NGEF: variants seen among roughly 807,000 people sequenced by gnomAD.
NGEF encodes the protein ephexin-1.
NGEF carries 31 observed loss-of-function variants against 80.9 expected under a neutral mutation model. The ratio of observed to expected loss-of-function variants is 0.38; its 90% CI spans 0.29 to 0.52. NGEF has a LOEUF of 0.52. Among genes scored for constraint, NGEF ranks in the 20% least tolerant of loss-of-function variants. NGEF has a pLI of 0.84. For synonymous variants in NGEF, 371 were observed against 370.2 expected (o/e 1.00, Z -0.03); for missense variants, 709 against 926.2 (o/e 0.77, Z 3.04).
At chr2:232,912,197 G>A (rs1692704622) in intron 5 of NGEF, among the ~76,000 whole-genome samples, 1 of 152,138 alleles carries the variant, frequency 6.6e-6, no homozygotes, top group Non-Finnish European at 1.5e-5. Context: ...CTCCTTTGCT[G>A]AAAATTTTAA....
At chr2:232,919,004 T>C (rs1051409835) in intron 5 of NGEF, among the ~76,000 whole-genome samples, 1 of 152,204 alleles carries the variant, frequency 6.6e-6, no homozygotes, top group Non-Finnish European at 1.5e-5. Flanking sequence ...GCTCACAAGT[T>C]AGGAAGGATG....
At chr2:232,968,093 C>CTTTTTTTTTTTTTTTTTTTTTTTTT (rs1274944227) in intron 3 of NGEF, among the ~76,000 whole-genome samples, 3 of 125,794 alleles carry the variant, frequency 2.4e-5, no homozygotes, top group African/African-American at 6.7e-5. Flanking sequence ...ACAGACCTGG[C>CTTTTTTTTTTTTTTTTTTTTTTTTT]TTTTTTTTTT....
At chr2:232,890,786 T>C in intron 8 of NGEF, 2 of 400,116 alleles carry the variant, frequency 5.0e-6, no homozygotes, top group Non-Finnish European at 1.0e-5. Flanking sequence ...CAGGGCCAGC[T>C]CCTAAAAGTG....
rs1284947405 is a variant in NGEF at position 232,920,488 on chromosome 2, G to A, written c.624C>T (p.Ser208=). The change falls in exon 5 of 15, where the codon TCC becomes TCT. Residue 208 remains serine (S), a synonymous_variant. Coordinates refer to ENST00000264051, the MANE Select transcript of NGEF (RefSeq NM_019850.3). ...CCTCCGGGGTGTCCTCACTGGCCGG[G>A]GACCCATTGGTATTGTCTTCTATTT... The part of the protein sequence containing the change: ...DAEIEDNTNG[S]PASEDTPEEE... 5 of 1,611,352 alleles carry A rather than the reference G, an allele frequency of 3.1e-6. No individual in the cohort carries two copies. Among genetic ancestry groups the A allele is most frequent in the Admixed American group, 3.3e-5 (2 of 59,764 alleles).
At chr2:232,885,721 A>G (rs899829094) in intron 9 of NGEF, among the ~76,000 whole-genome samples, 1 of 152,110 alleles carries the variant, frequency 6.6e-6, no homozygotes, top group Non-Finnish European at 1.5e-5. Context: ...GTGGCCACCC[A>G]GGCACCAAGG....
intron 3 of NGEF, among the ~76,000 whole-genome samples, chr2:232,937,582 T>A (rs1217292873): frequency 6.6e-6 from 1 of 152,174 alleles, no homozygotes; most frequent in Non-Finnish European, 1.5e-5. Flanking sequence ...GAACCTGAGC[T>A]TTTTGGGGGC....
At chr2:232,974,145 G>A (rs1694245433) in intron 2 of NGEF, among the ~76,000 whole-genome samples, 1 of 152,146 alleles carries the variant, frequency 6.6e-6, no homozygotes, top group Non-Finnish European at 1.5e-5. Context: ...CTAGGCACTG[G>A]TCTAAAAGAT....
intron 5 of NGEF, among the ~76,000 whole-genome samples, chr2:232,904,621 G>A (rs1692446767): frequency 6.6e-6 from 1 of 152,174 alleles, no homozygotes; most frequent in Non-Finnish European, 1.5e-5. Context: ...CCAGAAGGGT[G>A]GGACCAAGTG....
chr2:232,885,200 A>AGGC (rs1691638407), intron 10 of NGEF, 80 bp downstream of exon 10: 2 of 1,318,276 alleles, frequency 1.5e-6, no homozygotes, highest in Non-Finnish European at 2.2e-6. Flanking sequence ...AAGGCCAGCC[A>AGGC]GGCGCGGTGA....
rs61259136 is a variant in NGEF at position 232,953,498 on chromosome 2, CTT to C, written c.383+16714_383+16715del. Reference sequence around the variant, plus strand: ...AGCCAGAAGATAGTTGACTTACATTCTTTTTTTTTTTAAAAAAAAAAGAAAAA... The same window carrying C: ...AGCCAGAAGATAGTTGACTTACATTCTTTTTTTTTAAAAAAAAAAGAAAAA... On this transcript the variant is annotated intron_variant, in intron 3 of 14. Transcript: ENST00000264051. Among the ~76,000 whole-genome samples, 9 of 129,100 alleles carry C rather than the reference CTT, an allele frequency of 7.0e-5. No individual in the cohort carries two copies. The South Asian group carries it at 9.4e-4, about 13-fold the overall frequency. The allele number at this position is 129,100 out of a possible 152,430, so 84.7% of individuals were successfully genotyped here.
intron 3 of NGEF, among the ~76,000 whole-genome samples, chr2:232,952,239 A>G (rs1228267238): frequency 6.6e-6 from 1 of 152,224 alleles, no homozygotes; most frequent in East Asian, 1.9e-4. Context: ...AATTCCAAGG[A>G]CAATACTTAA....
Position 232,879,422 on chromosome 2 carries a change from C to G in NGEF, c.*67G>C, listed in dbSNP as rs879403437. On this transcript the variant is annotated 3_prime_UTR_variant, in exon 15 of 15. Transcript: ENST00000264051. ...GGTGCTGGCCTGTGCTTCCCAGAGCCCCCCCCCCCCCACCTTCTGTCGGGG... is the reference window on the plus strand; with the variant it reads ...GGTGCTGGCCTGTGCTTCCCAGAGCGCCCCCCCCCCCACCTTCTGTCGGGG... The G allele has an allele frequency of 0.081, 16,196 of 201,140 alleles. 158 individuals carry two copies. The highest frequency in any genetic ancestry group is 0.18 in the African/African-American group (1,648 of 9,258). 12.5% of individuals were successfully genotyped at this position (201,140 alleles called of 1,614,324 possible).
At chr2:232,970,748 G>A (rs1694168561) in intron 2 of NGEF, among the ~76,000 whole-genome samples, 1 of 151,578 alleles carries the variant, frequency 6.6e-6, no homozygotes. Flanking sequence ...CTGGCAGGCG[G>A]AGGTTGCAGT....
In NGEF at chr2:232,904,380, C is replaced by A. The variant is rs373115375; in HGVS notation, c.829-9464G>T. 5.9e-5 allele frequency among the ~76,000 whole-genome samples: 9 copies of A among 152,212 alleles called. No individual in the cohort carries two copies. The South Asian group carries it at 1.5e-3, about 25-fold the overall frequency. ...AGTAGCTGGAACTACAGGCATGTGC[C>A]ACCATGGCAGGCTAATTTTTGTATT... On this transcript the variant is annotated intron_variant, in intron 5 of 14. Coordinates refer to ENST00000264051, the MANE Select transcript of NGEF (RefSeq NM_019850.3).
chr2:232,948,902 C>A (rs1693617008), intron 3 of NGEF, among the ~76,000 whole-genome samples: 1 of 152,028 alleles, frequency 6.6e-6, no homozygotes, highest in Non-Finnish European at 1.5e-5. Flanking sequence ...CCCGTAATCC[C>A]AGCTGCTCAG....
At chr2:232,991,287 A>T (rs570187072) in intron 1 of NGEF, among the ~76,000 whole-genome samples, 19 of 152,066 alleles carry the variant, frequency 1.2e-4, no homozygotes, top group Non-Finnish European at 2.8e-4. Flanking sequence ...ACATAAAATG[A>T]TCTCTATTTG....
intron 4 of NGEF, among the ~76,000 whole-genome samples, chr2:232,922,159 C>T (rs780137020): frequency 3.3e-5 from 5 of 152,214 alleles, no homozygotes; most frequent in Non-Finnish European, 5.9e-5. Flanking sequence ...AAATATACCA[C>T]TTGACAAGCA....
chr2:232,907,254 ACT>A (rs1226755422), intron 5 of NGEF, among the ~76,000 whole-genome samples: 3 of 150,542 alleles, frequency 2.0e-5, no homozygotes, highest in African/African-American at 7.3e-5. Context: ...CTCCCCTGTG[ACT>A]GATTAAGCCT....
At chr2:232,975,245 T>C (rs1268103486) in intron 1 of NGEF, among the ~76,000 whole-genome samples, 1 of 152,196 alleles carries the variant, frequency 6.6e-6, no homozygotes, top group Admixed American at 6.5e-5. Flanking sequence ...AAATACTTCT[T>C]AAATAATTCC....
Sources: gnomAD v4.1 joint callset for allele counts (sites outside exome capture counted in the v4.1 genomes callset) on GRCh38, gnomAD v4.1.1 for gene constraint, MANE v1.5 for transcripts, NCBI Gene and HGNC (gene_info 2026-07-23, HGNC 2026-07-21) for gene names.